The following ST18 variants were observed in gnomAD, a reference collection of about 807,000 sequenced individuals.
The protein encoded by ST18 is ST18 C2H2C-type zinc finger transcription factor, also known as suppression of tumorigenicity 18 protein.
A neutral mutation model predicts 110.0 loss-of-function variants in ST18; 50 were observed. That is an observed-to-expected ratio of 0.45 (90% CI 0.36 to 0.58). The LOEUF (loss-of-function observed/expected upper bound fraction) is 0.58. Among genes scored for constraint, ST18 ranks in the 20% least tolerant of loss-of-function variants. The pLI is 0.00. For missense variants in ST18, 1,306 were observed against 1,280.1 expected (o/e 1.02, Z -0.31); for synonymous variants, 461 against 452.4 (o/e 1.02, Z -0.24).
chr8:52,250,125 G>A (rs928677059), intron 2 of ST18, among the ~76,000 whole-genome samples: 1 of 152,032 alleles, frequency 6.6e-6, no homozygotes, highest in Non-Finnish European at 1.5e-5. Context: ...GTATCAGAGA[G>A]AGTTCTATTG....
At chr8:52,350,320 A>T (rs1819721409) in intron 2 of ST18, among the ~76,000 whole-genome samples, 3 of 152,138 alleles carry the variant, frequency 2.0e-5, no homozygotes, top group African/African-American at 7.2e-5. Context: ...GTTTCCCAAA[A>T]ATCTGAGGGG....
In ST18 at chr8:52,111,781, T is replaced by C. The variant is rs1052956010; in HGVS notation, c.*1417A>G. 3.3e-5 allele frequency: 5 copies of C among 152,636 alleles called. No individual in the cohort carries two copies. The highest frequency in any genetic ancestry group is 5.9e-5 in the Non-Finnish European group (4 of 68,038). The allele number at this position is 152,636 out of a possible 1,614,324, so 9.5% of individuals were successfully genotyped here. On this transcript the variant is annotated 3_prime_UTR_variant, in exon 26 of 26. Coordinates refer to ENST00000689386, the MANE Select transcript of ST18 (RefSeq NM_001352837.2). ...CACACCAAAAAGGCAGTTTAGCTGG[T>C]TGTCTATACCTTTTCCTTAAAAAAA...
intron 2 of ST18, among the ~76,000 whole-genome samples, chr8:52,231,181 C>T (rs1381018351): frequency 1.3e-5 from 2 of 152,102 alleles, no homozygotes; most frequent in East Asian, 3.9e-4. Context: ...AATTTATTAC[C>T]CAGATAATAG....
intron 2 of ST18, chr8:52,404,931 A>G (rs1191940588): frequency 5.9e-5 from 9 of 152,204 alleles, no homozygotes; most frequent in Non-Finnish European, 1.2e-4. Flanking sequence ...CCCACTTACT[A>G]TTTAACCAGT....
At chr8:52,259,446 G>T (rs2138608006) in intron 2 of ST18, among the ~76,000 whole-genome samples, 1 of 152,138 alleles carries the variant, frequency 6.6e-6, no homozygotes, top group East Asian at 1.9e-4. Context: ...GTAATTCCTG[G>T]ATCTATTTGC....
chr8:52,313,696 G>A (rs1402645841), intron 2 of ST18, among the ~76,000 whole-genome samples: 3 of 152,162 alleles, frequency 2.0e-5, no homozygotes, highest in Non-Finnish European at 2.9e-5. Flanking sequence ...GACACCTTAG[G>A]ATGGAGAGCT....
chr8:52,121,886 A>T (rs542246452), intron 23 of ST18, among the ~76,000 whole-genome samples: 2 of 152,322 alleles, frequency 1.3e-5, no homozygotes, highest in African/African-American at 4.8e-5. Context: ...TCACTCTGTC[A>T]CCAGGCTGCA....
At chr8:52,288,708 A>T (rs920126257) in intron 2 of ST18, among the ~76,000 whole-genome samples, 9 of 152,022 alleles carry the variant, frequency 5.9e-5, no homozygotes, top group Admixed American at 2.0e-4. Context: ...AATAAAAAAA[A>T]AAAAATAAAA....
intron 2 of ST18, among the ~76,000 whole-genome samples, chr8:52,359,766 G>T (rs1027170915): frequency 1.1e-4 from 17 of 152,104 alleles, no homozygotes; most frequent in African/African-American, 3.9e-4. Context: ...AAAAAATAAA[G>T]CAGGGTATTG....
intron 2 of ST18, among the ~76,000 whole-genome samples, chr8:52,317,829 T>C (rs1236204677): frequency 6.6e-6 from 1 of 152,240 alleles, no homozygotes; most frequent in Non-Finnish European, 1.5e-5. Context: ...ACCATGTCCG[T>C]TTGACTTTTC....
At chr8:52,352,456 A>G (rs1820806835) in intron 2 of ST18, among the ~76,000 whole-genome samples, 1 of 152,208 alleles carries the variant, frequency 6.6e-6, no homozygotes, top group African/African-American at 2.4e-5. Flanking sequence ...AGATTTAAAG[A>G]ATCACAATCC....
chr8:52,295,313 T>A (rs1178900543), intron 2 of ST18, among the ~76,000 whole-genome samples: 2 of 152,218 alleles, frequency 1.3e-5, no homozygotes, highest in African/African-American at 4.8e-5. Context: ...ACTAAGACTA[T>A]CTATCCTTTT....
At chr8:52,207,183 T>C (rs888094005) in intron 8 of ST18, among the ~76,000 whole-genome samples, 5 of 152,208 alleles carry the variant, frequency 3.3e-5, no homozygotes, top group Non-Finnish European at 7.3e-5. Context: ...TCATGAAATG[T>C]TATTGTTAAA....
intron 2 of ST18, among the ~76,000 whole-genome samples, chr8:52,255,911 G>T (rs1239756925): frequency 8.5e-5 from 13 of 152,198 alleles, no homozygotes; most frequent in Admixed American, 8.5e-4. Flanking sequence ...AGGTCCCTTG[G>T]CCCATTGCTC....
intron 2 of ST18, among the ~76,000 whole-genome samples, chr8:52,262,202 A>C (rs924794747): frequency 6.6e-6 from 1 of 152,220 alleles, no homozygotes; most frequent in Non-Finnish European, 1.5e-5. Flanking sequence ...TAATGGAGTT[A>C]ATCCATTTAT....
chr8:52,384,786 G>GGT (rs60638852), intron 2 of ST18, among the ~76,000 whole-genome samples: 106,557 of 147,372 alleles, frequency 0.72, 38,693 homozygotes, highest in South Asian at 0.82. Context: ...TGTGTACACA[G>GGT]GTGTGTGTGT....
intron 22 of ST18, among the ~76,000 whole-genome samples, chr8:52,130,119 A>AAAAAGAAAG (rs1491142833): frequency 1.9e-5 from 2 of 105,242 alleles, no homozygotes; most frequent in East Asian, 5.6e-4. Context: ...AGAAAGAAAG[A>AAAAAGAAAG]AAAGAAAGAA....
Position 52,369,227 on chromosome 8 carries a change from C to T in ST18, c.-465+40101G>A, listed in dbSNP as rs139606693. Reference sequence around the variant, plus strand: ...CTTCTTTTTCTAATGTAATAAGGCCCCTAAATTTTAACCAGGCAAATGGTC... The same window carrying T: ...CTTCTTTTTCTAATGTAATAAGGCCTCTAAATTTTAACCAGGCAAATGGTC... On this transcript the variant is annotated intron_variant, in intron 2 of 25. Transcript: ENST00000689386. Among the ~76,000 whole-genome samples the T allele has an allele frequency of 3.9e-3, 599 of 152,224 alleles. 5 individuals are homozygous for T. Among genetic ancestry groups the T allele is most frequent in the Middle Eastern group, 0.014 (4 of 294 alleles).
intron 23 of ST18, among the ~76,000 whole-genome samples, chr8:52,121,803 A>G (rs567788479): frequency 6.6e-6 from 1 of 152,272 alleles, no homozygotes; most frequent in South Asian, 2.1e-4. Flanking sequence ...CTAGCTAGGT[A>G]TTGCTGATTA....
Sources: gnomAD v4.1 joint callset for allele counts (sites outside exome capture counted in the v4.1 genomes callset) on GRCh38, gnomAD v4.1.1 for gene constraint, MANE v1.5 for transcripts, NCBI Gene and HGNC (gene_info 2026-07-23, HGNC 2026-07-21) for gene names.